SLC28A2: variants seen among roughly 807,000 people sequenced by gnomAD.
SLC28A2 encodes the protein sodium/nucleoside cotransporter 2.
Under a neutral mutation model 72.9 loss-of-function variants are expected in SLC28A2, and 69 were observed. The observed-to-expected ratio is 0.95, with a 90% CI of 0.78 to 1.16. SLC28A2 has a LOEUF of 1.16. SLC28A2 is among the 50% of genes most tolerant of loss of function. The pLI, the probability that SLC28A2 is intolerant of heterozygous loss-of-function variation, is 0.00. For synonymous variants in SLC28A2, 296 were observed against 294.1 expected (o/e 1.01, Z -0.07); for missense variants, 745 against 791.1 (o/e 0.94, Z 0.70).
chr15:45,269,623 G>A, intron 14 of SLC28A2, 88 bp downstream of exon 14: 1 of 1,126,510 alleles, frequency 8.9e-7, no homozygotes, highest in Non-Finnish European at 1.3e-6. Flanking sequence ...CAGGTTTGTT[G>A]CAGACCTGCA....
In SLC28A2 at chr15:45,267,698, G is replaced by A. The variant is rs75089424; in HGVS notation, c.1101G>A (p.Val367=). 10 of 1,613,988 alleles carry A rather than the reference G, an allele frequency of 6.2e-6. No individual in the cohort carries two copies. The highest frequency in any genetic ancestry group is 7.6e-6 in the Non-Finnish European group (9 of 1,180,022). ...CATCATCCCTGATTTCTGCCTCTGT[G>A]ATGGCCGCCCCTTGTGCTCTCGCCT... ...VDASSLISAS[V]MAAPCALASS... Residue 367 remains valine (V), a synonymous_variant, in exon 12 of 18, where the codon GTG becomes GTA. Coordinates refer to ENST00000347644, the MANE Select transcript of SLC28A2 (RefSeq NM_004212.4).
intron 15 of SLC28A2, among the ~76,000 whole-genome samples, chr15:45,271,156 G>A (rs1595682113): frequency 6.6e-6 from 1 of 152,260 alleles, no homozygotes. Context: ...GACTGTTGGA[G>A]ATACTGCTGC....
chr15:45,269,340 C>T lies in SLC28A2; in HGVS notation c.1371C>T (p.Val457=). 6.2e-7 allele frequency: 1 copy of T among 1,613,152 alleles called. No individual in the cohort carries two copies. Among genetic ancestry groups the T allele is most frequent in the Non-Finnish European group, 8.5e-7 (1 of 1,179,184 alleles). The change falls in exon 14 of 18, where the codon GTC becomes GTT. Residue 457 remains valine, a splice_region_variant and synonymous_variant. Transcript: ENST00000347644. ...TGTGATATCTCTCTTTCACTCAGGT[C>T]ATCTGCTCCTATCTCCTAAGGCCCA... ...LVDIQGLTFQ[V]ICSYLLRPMV... is the part of the protein sequence containing the mutation.
Position 45,263,044 on chromosome 15 carries a change from G to T in SLC28A2, c.263-17G>T. 6.2e-7 allele frequency: 1 copy of T among 1,605,258 alleles called. No individual in the cohort carries two copies. Among genetic ancestry groups the T allele is most frequent in the Non-Finnish European group, 8.5e-7 (1 of 1,176,114 alleles). ...GCACTGCCTTGCTGATCTTTACTCT[G>T]CTTCTTCTCTTTTTAGCCTATGCTG... On this transcript the variant is annotated splice_polypyrimidine_tract_variant and intron_variant, in intron 4 of 17. Transcript: ENST00000347644.
At position 45,253,266 on chromosome 15, in the gene SLC28A2, T is replaced by C. The variant is rs200659459; in HGVS notation, c.51T>C (p.Thr17=). 15 of 1,613,654 alleles carry C rather than the reference T, an allele frequency of 9.3e-6. No homozygotes were observed. Among genetic ancestry groups the C allele is most frequent in the Non-Finnish European group, 1.0e-5 (12 of 1,179,688 alleles). The part of the protein sequence containing the change: ...RQSIALSTVE[T]GTVNPGLELM... Reference sequence around the variant, plus strand: ...CCATTGCTCTGTCCACAGTGGAGACTGGCACAGTGAACCCGGGGCTGGAGC... The same window carrying C: ...CCATTGCTCTGTCCACAGTGGAGACCGGCACAGTGAACCCGGGGCTGGAGC... The change falls in exon 2 of 18, where the codon ACT becomes ACC. Residue 17 remains threonine (T), a synonymous_variant. Transcript: ENST00000347644.
chr15:45,271,139 A>C (rs1900546821), intron 15 of SLC28A2, among the ~76,000 whole-genome samples: 1 of 152,234 alleles, frequency 6.6e-6, no homozygotes, highest in South Asian at 2.1e-4. Context: ...AGACACAGAT[A>C]TATTTAGACT....
At chr15:45,260,464 A>G (rs959553513) in intron 3 of SLC28A2, among the ~76,000 whole-genome samples, 1 of 152,210 alleles carries the variant, frequency 6.6e-6, no homozygotes, top group Non-Finnish European at 1.5e-5. Flanking sequence ...TCCAAAGATA[A>G]TGATGTCCTC....
intron 2 of SLC28A2, 32 bp downstream of exon 2, chr15:45,253,328 C>A (rs1899864277): frequency 6.4e-7 from 1 of 1,571,344 alleles, no homozygotes; most frequent in Non-Finnish European, 8.8e-7. Flanking sequence ...CTCTGCAGAG[C>A]TGTGGGCTGC....
intron 5 of SLC28A2, among the ~76,000 whole-genome samples, chr15:45,263,565 C>T (rs1211344768): frequency 6.6e-6 from 1 of 152,198 alleles, no homozygotes; most frequent in Non-Finnish European, 1.5e-5. Context: ...CTTGCAGCTA[C>T]ATTAAGCTAT....
intron 12 of SLC28A2, among the ~76,000 whole-genome samples, 170 bp downstream of exon 12, chr15:45,267,966 C>T (rs1215312575): frequency 6.6e-6 from 1 of 152,140 alleles, no homozygotes. Context: ...TTAACCCTCC[C>T]ACCTGGCACT....
rs147161144 is a variant in SLC28A2, at chr15:45,261,563, T to C, written c.171-452T>C. ...CATCCAGAGCAATTCTTGAGGTTGGTAGCATTTTCCTTCCTGTCTGTCAAT... is the reference window on the plus strand; with the variant it reads ...CATCCAGAGCAATTCTTGAGGTTGGCAGCATTTTCCTTCCTGTCTGTCAAT... On this transcript the variant is annotated intron_variant, in intron 3 of 17. Coordinates refer to ENST00000347644, the MANE Select transcript of SLC28A2 (RefSeq NM_004212.4). Among the ~76,000 whole-genome samples the C allele has an allele frequency of 3.7e-3, 549 of 148,896 alleles. 5 individuals carry two copies. Among genetic ancestry groups the C allele is most frequent in the African/African-American group, 0.013 (506 of 38,216 alleles).
intron 15 of SLC28A2, chr15:45,272,076 A>G (rs1900589630): frequency 1.9e-6 from 1 of 525,642 alleles, no homozygotes; most frequent in Non-Finnish European, 3.4e-6. Flanking sequence ...CAGACACTCA[A>G]TACTTGATCT....
chr15:45,272,498 T>C, intron 16 of SLC28A2, 105 bp downstream of exon 16: 3 of 931,272 alleles, frequency 3.2e-6, no homozygotes, highest in Non-Finnish European at 3.4e-6. Context: ...CAACAAAGAT[T>C]ACTTCCCTAG....
rs1270331118 is a variant in SLC28A2, at chr15:45,269,394, A to G, written c.1425A>G (p.Thr475=). Residue 475 remains threonine (T), a synonymous_variant, in exon 14 of 18, where the codon ACA becomes ACG. Transcript: ENST00000347644. Reference sequence around the variant, plus strand: ...TTTTCATGATGGGTGTAGAGTGGACAGACTGTCCAATGGTGGCTGAGATGG... The same window carrying G: ...TTTTCATGATGGGTGTAGAGTGGACGGACTGTCCAATGGTGGCTGAGATGG... ...PMVFMMGVEW[T]DCPMVAEMVG... The G allele has an allele frequency of 6.2e-7, 1 of 1,613,938 alleles. No individual in the cohort carries two copies. The highest frequency in any genetic ancestry group is 1.3e-5 in the African/African-American group (1 of 74,900).
intron 7 of SLC28A2, 88 bp from the exon 8 acceptor site, chr15:45,265,001 C>A: frequency 9.4e-7 from 1 of 1,058,456 alleles, no homozygotes; most frequent in East Asian, 2.4e-5. Context: ...ACAGTAGGTC[C>A]TCAGGACGCA....
chr15:45,266,933 A>G (rs186917356), intron 10 of SLC28A2, among the ~76,000 whole-genome samples: 93 of 152,306 alleles, frequency 6.1e-4, no homozygotes, highest in African/African-American at 2.2e-3. Context: ...AGATACCATT[A>G]TCTTAGGTCA....
chr15:45,268,327 T>C lies in SLC28A2; in HGVS notation c.1317T>C (p.Ala439=), dbSNP rs766998431. The C allele has an allele frequency of 6.2e-7, 1 of 1,609,520 alleles. No individual in the cohort carries two copies. The highest frequency in any genetic ancestry group is 1.1e-5 in the South Asian group (1 of 90,926). The change falls in exon 13 of 18, where the codon GCT becomes GCC. Residue 439 remains alanine, a synonymous_variant. Coordinates refer to ENST00000347644, the MANE Select transcript of SLC28A2 (RefSeq NM_004212.4). ...AFLAVLAFIN[A]ALSWLGELVD... is the part of the protein sequence containing the mutation. ...TGGCTGTGTTGGCCTTCATCAATGC[T>C]GCCCTCTCCTGGCTGGGGGAATTGG...
At chr15:45,252,300 A>G (rs967208248) in intron 1 of SLC28A2, 22 bp downstream of exon 1, 7 of 455,738 alleles carry the variant, frequency 1.5e-5, no homozygotes, top group Non-Finnish European at 2.6e-5. Context: ...TGTTTGGGGG[A>G]GGGCAGGTGC....
At chr15:45,275,362 AC>A (rs774451858) in intron 17 of SLC28A2, 33 bp from the exon 18 acceptor site, 1 of 1,234,842 alleles carries the variant, frequency 8.1e-7, no homozygotes, top group South Asian at 1.2e-5. Context: ...TTCCTGTCTG[AC>A]CCCTTATGTA....
Sources: allele counts gnomAD v4.1 joint callset (sites outside exome capture counted in the v4.1 genomes callset), GRCh38; gene constraint gnomAD v4.1.1; transcripts MANE v1.5; gene names NCBI Gene and HGNC (gene_info 2026-07-23, HGNC 2026-07-21).